TSNARE1: variants seen among roughly 807,000 people sequenced by gnomAD.
TSNARE1 encodes the protein t-SNARE domain containing 1.
A neutral mutation model predicts 62.0 loss-of-function variants in TSNARE1; 49 were observed. That is an observed-to-expected ratio of 0.79 (90% CI 0.63 to 1.00). The LOEUF (loss-of-function observed/expected upper bound fraction) is 1.00. TSNARE1 is among the 50% of genes least tolerant of loss of function. The pLI is 0.00. For missense variants in TSNARE1, 755 were observed against 700.1 expected (o/e 1.08, Z -0.88); for synonymous variants, 328 against 294.4 (o/e 1.11, Z -1.17).
chr8:142,250,220 C>A (rs955795482), intron 12 of TSNARE1, among the ~76,000 whole-genome samples: 2 of 152,146 alleles, frequency 1.3e-5, no homozygotes, highest in African/African-American at 4.8e-5. Flanking sequence ...ATTTTTACAG[C>A]CATTCTCCTG....
At chr8:142,365,637 G>C (rs34380366) in intron 1 of TSNARE1, among the ~76,000 whole-genome samples, 22,274 of 132,490 alleles carry the variant, frequency 0.17, 1,700 homozygotes, top group East Asian at 0.3. Flanking sequence ...CACACACAGA[G>C]AGAGAGAGGG....
intron 2 of TSNARE1, among the ~76,000 whole-genome samples, chr8:142,352,131 T>C (rs2130687049): frequency 6.6e-6 from 1 of 152,372 alleles, no homozygotes; most frequent in South Asian, 2.1e-4. Flanking sequence ...CGGCCTGGAT[T>C]GGGCTGTGTA....
rs541490569 is a variant in TSNARE1 at position 142,384,260 on chromosome 8, T to A, written c.-40+18844A>T. ...AAAGGGCCTCTGGAAAGCTACTGTA[T>A]CCCCTACATCCCCATCCCCTGCCTC... On this transcript the variant is annotated intron_variant, in intron 1 of 13. Coordinates refer to ENST00000524325, the MANE Select transcript of TSNARE1 (RefSeq NM_145003.5). 2.0e-5 allele frequency among the ~76,000 whole-genome samples: 3 copies of A among 152,084 alleles called. No individual in the cohort carries two copies. The South Asian group carries it at 6.2e-4, about 32-fold the overall frequency.
intron 12 of TSNARE1, among the ~76,000 whole-genome samples, chr8:142,262,068 C>T (rs998273362): frequency 6.6e-6 from 1 of 152,264 alleles, no homozygotes; most frequent in African/African-American, 2.4e-5. Flanking sequence ...GGTAACAAGA[C>T]AAGGCCCAGC....
intron 1 of TSNARE1, among the ~76,000 whole-genome samples, chr8:142,367,324 G>C (rs911140083): frequency 6.6e-6 from 1 of 152,182 alleles, no homozygotes; most frequent in South Asian, 2.1e-4. Context: ...AAACAAAATG[G>C]GCTCGCACTT....
chr8:142,294,829 C>G (rs114660416), intron 10 of TSNARE1, among the ~76,000 whole-genome samples: 1 of 152,224 alleles, frequency 6.6e-6, no homozygotes, highest in South Asian at 2.1e-4. Context: ...TGCCAGGGCT[C>G]GCACTGCTGC....
At chr8:142,214,210 C>T (rs1815717799) in intron 13 of TSNARE1, among the ~76,000 whole-genome samples, 1 of 152,162 alleles carries the variant, frequency 6.6e-6, no homozygotes, top group Non-Finnish European at 1.5e-5. Context: ...GGAGGATGGG[C>T]GGCCACTGCA....
chr8:142,352,839 CA>C (rs994763361), intron 2 of TSNARE1, among the ~76,000 whole-genome samples: 4 of 152,198 alleles, frequency 2.6e-5, no homozygotes, highest in Non-Finnish European at 4.4e-5. Flanking sequence ...GGTAAAGGAG[CA>C]GGGGCCTGGG....
intron 12 of TSNARE1, among the ~76,000 whole-genome samples, chr8:142,235,749 G>A (rs899928505): frequency 5.3e-5 from 8 of 152,184 alleles, no homozygotes; most frequent in South Asian, 4.1e-4. Flanking sequence ...GGCCAAAGGC[G>A]GCAGCGGGTG....
chr8:142,344,923 AAG>A (rs1833154270), intron 3 of TSNARE1, among the ~76,000 whole-genome samples: 1 of 152,142 alleles, frequency 6.6e-6, no homozygotes, highest in African/African-American at 2.4e-5. Context: ...CAGCACAACT[AAG>A]AGCCCTCTGA....
At chr8:142,276,048 A>G in intron 11 of TSNARE1, 1 of 985,374 alleles carries the variant, frequency 1.0e-6, no homozygotes, top group Non-Finnish European at 1.2e-6. Context: ...ACCCTTGGTC[A>G]CCAGCTCCAC....
chr8:142,395,220 T>C (rs905315303), intron 1 of TSNARE1, among the ~76,000 whole-genome samples: 3 of 150,972 alleles, frequency 2.0e-5, no homozygotes, highest in Non-Finnish European at 4.4e-5. Flanking sequence ...GTCCTGGCCC[T>C]GGAGGAGGAA....
intron 1 of TSNARE1, among the ~76,000 whole-genome samples, chr8:142,369,397 C>T (rs553203083): frequency 1.3e-5 from 2 of 152,324 alleles, no homozygotes; most frequent in Admixed American, 1.3e-4. Context: ...TATTATTTAT[C>T]TCAGTCTGCA....
intron 12 of TSNARE1, among the ~76,000 whole-genome samples, chr8:142,251,004 C>T (rs1228123926): frequency 6.6e-6 from 1 of 152,228 alleles, no homozygotes; most frequent in African/African-American, 2.4e-5. Context: ...GAGCAGCGGG[C>T]TGTCATGGGA....
intron 6 of TSNARE1, among the ~76,000 whole-genome samples, chr8:142,330,316 G>C (rs553005709): frequency 2.6e-5 from 4 of 152,252 alleles, no homozygotes; most frequent in South Asian, 4.2e-4. Flanking sequence ...CCAGGGCTCA[G>C]ACTTAGCAGA....
At chr8:142,227,215 CCT>C (rs1816856628) in intron 13 of TSNARE1, among the ~76,000 whole-genome samples, 1 of 149,358 alleles carries the variant, frequency 6.7e-6, no homozygotes, top group African/African-American at 2.5e-5. Flanking sequence ...CATCCACAAC[CCT>C]AGTGACAGCC....
chr8:142,248,763 C>T (rs1407501306), intron 12 of TSNARE1, among the ~76,000 whole-genome samples: 3 of 152,224 alleles, frequency 2.0e-5, no homozygotes, highest in African/African-American at 4.8e-5. Flanking sequence ...TGAGCCTGGC[C>T]CACGGGGGCT....
chr8:142,250,076 A>C (rs776232319), intron 12 of TSNARE1, among the ~76,000 whole-genome samples: 3 of 152,106 alleles, frequency 2.0e-5, no homozygotes, highest in Non-Finnish European at 4.4e-5. Flanking sequence ...CCTTCTTCAG[A>C]GTGCGCCGCA....
At chr8:142,219,404 G>A (rs1816096354) in intron 13 of TSNARE1, among the ~76,000 whole-genome samples, 1 of 152,202 alleles carries the variant, frequency 6.6e-6, no homozygotes, top group Non-Finnish European at 1.5e-5. Context: ...ATCCGGCCCT[G>A]CAGGTCGGGT....
Sources: allele counts gnomAD v4.1 joint callset (sites outside exome capture counted in the v4.1 genomes callset), GRCh38; gene constraint gnomAD v4.1.1; transcripts MANE v1.5; gene names NCBI Gene and HGNC (gene_info 2026-07-23, HGNC 2026-07-21).